Variants in XRRA1 observed in about 807,000 individuals in gnomAD.
The protein encoded by XRRA1 is X-ray radiation resistance associated 1, also known as X-ray radiation resistance-associated protein 1.
XRRA1 carries 69 observed loss-of-function variants against 80.2 expected under a neutral mutation model. The ratio of observed to expected loss-of-function variants is 0.86; its 90% CI spans 0.71 to 1.05. The LOEUF (loss-of-function observed/expected upper bound fraction) is 1.05, where lower values mean the gene tolerates loss of function less well. Among genes scored for constraint, XRRA1 ranks in the 50% least tolerant of loss-of-function variants. The pLI is 0.00. For synonymous variants in XRRA1, 348 were observed against 389.9 expected (o/e 0.89, Z 1.27); for missense variants, 967 against 976.4 (o/e 0.99, Z 0.13).
At chr11:74,891,461 G>T (rs1591104083) in intron 10 of XRRA1, among the ~76,000 whole-genome samples, 1 of 152,172 alleles carries the variant, frequency 6.6e-6, no homozygotes, top group East Asian at 1.9e-4. Flanking sequence ...TGAATGGGCA[G>T]AAACTGGAAG....
At chr11:74,858,264 C>T (rs1271862539) in intron 12 of XRRA1, among the ~76,000 whole-genome samples, 1 of 152,214 alleles carries the variant, frequency 6.6e-6, no homozygotes, top group Non-Finnish European at 1.5e-5. Flanking sequence ...CTATGGTCCA[C>T]TGATTTTCGG....
chr11:74,884,320 T>C (rs548340467), intron 10 of XRRA1, among the ~76,000 whole-genome samples: 21 of 152,338 alleles, frequency 1.4e-4, no homozygotes, highest in Middle Eastern at 3.4e-3. Flanking sequence ...AGAGGCTCCA[T>C]CTTCCCTTTT....
intron 8 of XRRA1, among the ~76,000 whole-genome samples, chr11:74,916,290 AATAC>A (rs1938645891): frequency 6.6e-6 from 1 of 152,132 alleles, no homozygotes; most frequent in Admixed American, 6.5e-5. Flanking sequence ...GGACTTTCAT[AATAC>A]ATAGGTTGGT....
At chr11:74,931,498 T>A (rs28376019) in intron 5 of XRRA1, among the ~76,000 whole-genome samples, 1 of 151,942 alleles carries the variant, frequency 6.6e-6, no homozygotes, top group African/African-American at 2.4e-5. Flanking sequence ...TTAATTTTTT[T>A]ATTTTTAGTA....
chr11:74,885,261 C>G, intron 10 of XRRA1, among the ~76,000 whole-genome samples: 1 of 151,282 alleles, frequency 6.6e-6, no homozygotes, highest in East Asian at 1.9e-4. Flanking sequence ...GAGACCCTGT[C>G]TCAAAGAAGA....
intron 6 of XRRA1, 114 bp downstream of exon 6, chr11:74,930,186 C>CA: frequency 1.1e-6 from 1 of 921,982 alleles, no homozygotes; most frequent in Non-Finnish European, 1.7e-6. Flanking sequence ...TATTGTACTC[C>CA]AAAAAAGAGA....
intron 14 of XRRA1, among the ~76,000 whole-genome samples, chr11:74,850,498 T>A (rs758308525): frequency 2.0e-5 from 3 of 152,150 alleles, no homozygotes; most frequent in Non-Finnish European, 4.4e-5. Flanking sequence ...ACTTTTGGGA[T>A]CAGCAATGCT....
intron 10 of XRRA1, among the ~76,000 whole-genome samples, chr11:74,882,757 G>A (rs924026202): frequency 9.2e-5 from 14 of 152,306 alleles, no homozygotes; most frequent in African/African-American, 3.4e-4. Context: ...AGGTCTGTTG[G>A]AGTACCCTGC....
intron 10 of XRRA1, among the ~76,000 whole-genome samples, chr11:74,894,571 T>C (rs1408314467): frequency 3.3e-5 from 5 of 152,084 alleles, no homozygotes; most frequent in African/African-American, 4.8e-5. Context: ...GGTGAGAGAA[T>C]GAATGAAGAA....
chr11:74,843,519 G>A (rs2036990441), intron 18 of XRRA1, 66 bp from the exon 19 acceptor site: 2 of 1,555,366 alleles, frequency 1.3e-6, no homozygotes, highest in Admixed American at 1.9e-5. Flanking sequence ...AGAAGCAAGA[G>A]GATTGGGTCC....
intron 8 of XRRA1, among the ~76,000 whole-genome samples, chr11:74,908,440 T>G (rs902972689): frequency 5.4e-4 from 83 of 152,302 alleles, no homozygotes; most frequent in African/African-American, 1.9e-3. Context: ...GGGGAGCTGA[T>G]GCCTGAGCTA....
chr11:74,850,315 A>G (rs1394323471), intron 14 of XRRA1, among the ~76,000 whole-genome samples: 2 of 152,330 alleles, frequency 1.3e-5, no homozygotes, highest in Non-Finnish European at 1.5e-5. Context: ...CTGATGGGAA[A>G]TGATGGGGCA....
At chr11:74,856,910 G>A (rs2135760290) in intron 12 of XRRA1, among the ~76,000 whole-genome samples, 1 of 152,200 alleles carries the variant, frequency 6.6e-6, no homozygotes. Flanking sequence ...TCCTGTGGTT[G>A]GAGCAGGAAA....
rs750064094 is a variant in XRRA1, at chr11:74,921,259, C to T, written c.611G>A (p.Gly204Asp). ...LPHLRVLLLT[G>D]NGLTSLPPNL... The stretch of plus-strand genomic sequence containing the variant: ...GGGCGGCAGGGAGGTAAGGCCATTG[C>T]CTGTGAGGAGCAGGACACGGAGGTG... Residue 204 changes from glycine to aspartate, a missense_variant, in exon 8 of 19, where the codon GGC (glycine) becomes GAC (aspartate). Coordinates refer to ENST00000684022, the MANE Select transcript of XRRA1 (RefSeq NM_001378157.1). The T allele has an allele frequency of 6.2e-7, 1 of 1,613,960 alleles. No individual in the cohort carries two copies. The highest frequency in any genetic ancestry group is 1.1e-5 in the South Asian group (1 of 91,084).
chr11:74,857,699 A>G (rs1057380016), intron 12 of XRRA1, among the ~76,000 whole-genome samples: 5 of 152,246 alleles, frequency 3.3e-5, no homozygotes. Flanking sequence ...ACCAAGACAG[A>G]CTGACCATAG....
In XRRA1 at chr11:74,906,528, A is replaced by AG. The variant is rs1361789144; in HGVS notation, c.786-73dup. 3 of 1,523,084 alleles carry AG rather than the reference A, an allele frequency of 2.0e-6. No individual in the cohort carries two copies. In the African/African-American group the frequency reaches 4.1e-5, roughly 21 times the overall value. The allele number at this position is 1,523,084 out of a possible 1,614,324, so 94.3% of individuals were successfully genotyped here. On this transcript the variant is annotated intron_variant, in intron 9 of 18. Transcript: ENST00000684022. ...TCAGGATTGTTTACCAAGCAACTTTAGGGAAAAAACATGGAATCAGGCTTG... is the reference window on the plus strand; with the variant it reads ...TCAGGATTGTTTACCAAGCAACTTTAGGGGAAAAAACATGGAATCAGGCTTG...
chr11:74,910,559 G>A lies in XRRA1; in HGVS notation c.657-3286C>T, dbSNP rs368219787. Among the ~76,000 whole-genome samples the A allele has an allele frequency of 1.6e-4, 24 of 152,304 alleles. No homozygotes were observed. The East Asian group carries it at 2.1e-3, about 13-fold the overall frequency. ...GTTCAGAATAGATGAGGTATATGAT[G>A]AATGGAAAAAGTGAAGAGAAAGGAG... On this transcript the variant is annotated intron_variant, in intron 8 of 18. Transcript: ENST00000684022.
chr11:74,934,820 T>C (rs1944539276), intron 4 of XRRA1, among the ~76,000 whole-genome samples: 1 of 152,180 alleles, frequency 6.6e-6, no homozygotes, highest in Non-Finnish European at 1.5e-5. Context: ...AGGGGGCTGA[T>C]AGTAATTTTA....
chr11:74,927,510 A>G (rs1385886957), intron 6 of XRRA1, 22 bp from the exon 7 acceptor site: 2 of 1,481,780 alleles, frequency 1.3e-6, no homozygotes, highest in African/African-American at 1.4e-5. Context: ...AGAGAAAGAG[A>G]GAGTCTGCAG....
Sources: gnomAD v4.1 joint callset for allele counts (sites outside exome capture counted in the v4.1 genomes callset) on GRCh38, gnomAD v4.1.1 for gene constraint, MANE v1.5 for transcripts, NCBI Gene and HGNC (gene_info 2026-07-23, HGNC 2026-07-21) for gene names.